The following RBPJ variants were observed in gnomAD, a reference collection of about 807,000 sequenced individuals.
RBPJ encodes the protein recombination signal binding protein for immunoglobulin kappa J region.
A neutral mutation model predicts 67.8 loss-of-function variants in RBPJ; 9 were observed. The ratio of observed to expected loss-of-function variants is 0.13; its 90% CI spans 0.08 to 0.23. RBPJ has a LOEUF of 0.23. Among genes scored for constraint, RBPJ ranks in the 10% least tolerant of loss-of-function variants. The pLI is 1.00. For synonymous variants in RBPJ, 198 were observed against 203.3 expected, an observed-to-expected ratio of 0.97 and a Z score of 0.22; for missense variants, 305 against 595.6, an observed-to-expected ratio of 0.51 and a Z score of 5.08.
chr4:26,125,649 A>G, the RBPJ span, among the ~76,000 whole-genome samples: 1 of 152,100 alleles, frequency 6.6e-6, no homozygotes, highest in East Asian at 1.9e-4. Context: ...AAATACAAAA[A>G]TTAGCTGAGT....
At chr4:26,203,961 A>G (rs953777328) in intron 1 of RBPJ, among the ~76,000 whole-genome samples, 3 of 152,146 alleles carry the variant, frequency 2.0e-5, no homozygotes, top group African/African-American at 7.2e-5. Flanking sequence ...CCAGATGATC[A>G]AGTGACCAGG....
intron 1 of RBPJ, among the ~76,000 whole-genome samples, chr4:26,347,948 T>TTTTTTC (rs1236517142): frequency 6.6e-6 from 1 of 151,740 alleles, no homozygotes; most frequent in African/African-American, 2.4e-5. Flanking sequence ...TTTCCTTTTT[T>TTTTTTC]TTTTTCTTTT....
At chr4:26,392,188 G>A (rs1339959400) in intron 2 of RBPJ, among the ~76,000 whole-genome samples, 1 of 152,154 alleles carries the variant, frequency 6.6e-6, no homozygotes. Flanking sequence ...ACTCATCATG[G>A]GAACAGCTAG....
intron 1 of RBPJ, among the ~76,000 whole-genome samples, chr4:26,301,550 C>T (rs1560252018): frequency 1.3e-5 from 2 of 150,902 alleles, no homozygotes; most frequent in Non-Finnish European, 3.0e-5. Flanking sequence ...CAAAATGGCG[C>T]CACTGCACTC....
chr4:26,261,917 ATTTTAAG>A (rs1048169101), intron 1 of RBPJ, among the ~76,000 whole-genome samples: 7 of 152,182 alleles, frequency 4.6e-5, no homozygotes, highest in Non-Finnish European at 1.0e-4. Context: ...TCTTATGACT[ATTTTAAG>A]TTTTATTTTT....
chr4:26,120,828 A>C, the RBPJ span, among the ~76,000 whole-genome samples: 1 of 146,538 alleles, frequency 6.8e-6, no homozygotes, highest in Non-Finnish European at 1.5e-5. Context: ...ACTGTAGTTT[A>C]GAAGCAAAAG....
chr4:26,366,985 A>G (rs550506895), intron 1 of RBPJ, among the ~76,000 whole-genome samples: 9 of 151,412 alleles, frequency 5.9e-5, no homozygotes, highest in African/African-American at 2.2e-4. Flanking sequence ...TTAGCCAGGC[A>G]TGGTGGCAGG....
chr4:26,225,517 T>C (rs963530680), intron 1 of RBPJ, among the ~76,000 whole-genome samples: 4 of 152,116 alleles, frequency 2.6e-5, no homozygotes, highest in Non-Finnish European at 5.9e-5. Context: ...TATGATACAG[T>C]AATGGTGGAT....
chr4:26,301,611 A>C (rs1046393092), intron 1 of RBPJ, among the ~76,000 whole-genome samples: 1 of 151,518 alleles, frequency 6.6e-6, no homozygotes, highest in African/African-American at 2.4e-5. Context: ...AAAAGAAAAA[A>C]ATTTAAATTT....
At chr4:26,135,667 G>A in the RBPJ span, among the ~76,000 whole-genome samples, 1 of 152,168 alleles carries the variant, frequency 6.6e-6, no homozygotes, top group Middle Eastern at 3.2e-3. Flanking sequence ...TAAAAGGCCT[G>A]GCTAGGTATT....
the RBPJ span, among the ~76,000 whole-genome samples, chr4:26,156,221 G>C: frequency 6.6e-6 from 1 of 152,176 alleles, no homozygotes; most frequent in Non-Finnish European, 1.5e-5. Context: ...TGTTAATGCA[G>C]TGTAAAGTCA....
At chr4:26,316,794 G>A (rs1722662067), upstream of RBPJ, among the ~76,000 whole-genome samples, 5 of 129,864 alleles carry the variant, frequency 3.9e-5, no homozygotes, top group South Asian at 1.3e-3. Context: ...AAACTCTTAA[G>A]TGCAGCCTCA....
intron 1 of RBPJ, among the ~76,000 whole-genome samples, chr4:26,344,228 A>ATTATTTT (rs1452660651): frequency 6.6e-6 from 1 of 151,652 alleles, no homozygotes; most frequent in African/African-American, 2.4e-5. Flanking sequence ...GCTAACTATA[A>ATTATTTT]TTATTTTTTA....
At chr4:26,363,045 T>A (rs1413077395) in intron 1 of RBPJ, among the ~76,000 whole-genome samples, 1 of 152,242 alleles carries the variant, frequency 6.6e-6, no homozygotes, top group Non-Finnish European at 1.5e-5. Context: ...ACTAATTTGA[T>A]CAAACAAAAC....
upstream of RBPJ, chr4:26,319,920 A>G: frequency 6.3e-7 from 1 of 1,581,892 alleles, no homozygotes; most frequent in Non-Finnish European, 8.7e-7. Context: ...CGGGCCCTTC[A>G]CCCTGCTGTT....
intron 1 of RBPJ, among the ~76,000 whole-genome samples, chr4:26,368,706 G>A (rs1032240270): frequency 1.3e-5 from 2 of 152,318 alleles, no homozygotes; most frequent in African/African-American, 4.8e-5. Context: ...GCCTGTAGAA[G>A]TGTTGGTGGC....
At chr4:26,309,289 T>TTA (rs758382627) in intron 1 of RBPJ, among the ~76,000 whole-genome samples, 8 of 152,206 alleles carry the variant, frequency 5.3e-5, no homozygotes, top group Non-Finnish European at 1.0e-4. Flanking sequence ...AGAGCTGGGA[T>TTA]TATAGGCCTG....
At chr4:26,145,534 T>C in the RBPJ span, among the ~76,000 whole-genome samples, 10 of 152,254 alleles carry the variant, frequency 6.6e-5, no homozygotes, top group African/African-American at 2.2e-4. Flanking sequence ...ATCAATGTCC[T>C]CTTCTGTAAT....
chr4:26,327,899 T>C (rs958234867), intron 1 of RBPJ, among the ~76,000 whole-genome samples: 1 of 152,166 alleles, frequency 6.6e-6, no homozygotes, highest in African/African-American at 2.4e-5. Context: ...TATTGTGTTA[T>C]AGAAGTACAG....
Sources: allele counts gnomAD v4.1 joint callset (sites outside exome capture counted in the v4.1 genomes callset), GRCh38; gene constraint gnomAD v4.1.1; transcripts MANE v1.5; gene names NCBI Gene and HGNC (gene_info 2026-07-23, HGNC 2026-07-21).